Variants in PABIR3 observed in about 807,000 individuals in gnomAD.
PABIR3 encodes the protein PABIR family member 1.
PABIR3 carries 20 observed loss-of-function variants against 23.1 expected under a neutral mutation model. The observed-to-expected ratio is 0.86, with a 90% CI of 0.61 to 1.26. PABIR3 has a LOEUF of 1.26. Among genes scored for constraint, PABIR3 ranks in the 50% most tolerant of loss-of-function variants. The pLI is 0.00. For missense variants in PABIR3, 189 were observed against 195.4 expected, an observed-to-expected ratio of 0.97 and a Z score of 0.20; for synonymous variants, 69 against 68.5, an observed-to-expected ratio of 1.01 and a Z score of -0.04.
At chrX:134,842,692 G>A (rs1281559544) in intron 4 of PABIR3, among the ~76,000 whole-genome samples, 4 of 110,563 alleles carry the variant, frequency 3.6e-5, no homozygotes, top group East Asian at 2.9e-4. Context: ...GAGGTCAGGA[G>A]TTTGAAACCA....
intron 6 of PABIR3, among the ~76,000 whole-genome samples, chrX:134,845,629 G>A (rs1020087221): frequency 9.0e-5 from 10 of 111,269 alleles, no homozygotes; most frequent in Middle Eastern, 4.6e-3. Context: ...TCAATGGATC[G>A]TCCTGCCTCA....
chrX:134,805,919 G>A (rs1386969303), upstream of PABIR3, among the ~76,000 whole-genome samples: 1 of 111,051 alleles, frequency 9.0e-6, no homozygotes, highest in African/African-American at 3.3e-5. Flanking sequence ...AATGTTATCC[G>A]TAAAGTGCTA....
upstream of PABIR3, chrX:134,804,321 G>A (rs1335400685): frequency 1.2e-6 from 1 of 856,203 alleles, no homozygotes; most frequent in Non-Finnish European, 1.6e-6. Context: ...TGCCATTGTA[G>A]CATATAGAAT....
chrX:134,849,657 A>G (rs898135757), intron 9 of PABIR3, among the ~76,000 whole-genome samples: 5 of 110,488 alleles, frequency 4.5e-5, no homozygotes, highest in Non-Finnish European at 7.6e-5. Context: ...CACTTACAAC[A>G]CTAAAAATAT....
At chrX:134,859,253 C>T (rs376540026), downstream of PABIR3, among the ~76,000 whole-genome samples, 45 of 111,615 alleles carry the variant, frequency 4.0e-4, no homozygotes, top group African/African-American at 1.4e-3. Flanking sequence ...AAACATCTGC[C>T]TTCATCTTTG....
chrX:134,822,657 A>G (rs1275951190), intron 3 of PABIR3: 2 of 745,880 alleles, frequency 2.7e-6, no homozygotes, highest in East Asian at 1.5e-4. Context: ...GAAGTCTTTC[A>G]TCATTATTTT....
chrX:134,836,476 A>G (rs1603231452), intron 4 of PABIR3, among the ~76,000 whole-genome samples: 1 of 112,595 alleles, frequency 8.9e-6, no homozygotes, highest in East Asian at 2.8e-4. Flanking sequence ...TAGAAGTCTG[A>G]GATAAAGGTG....
intron 2 of PABIR3, chrX:134,811,225 T>C (rs1177020647): frequency 1.5e-6 from 1 of 659,555 alleles, no homozygotes; most frequent in Non-Finnish European, 1.8e-6. Flanking sequence ...ATCTCTGTAA[T>C]TGGCTGACTT....
chrX:134,854,258 T>C lies in PABIR3; in HGVS notation c.*41T>C, dbSNP rs764746213. 2.5e-6 allele frequency: 3 copies of C among 1,176,790 alleles called. No homozygotes were observed. The highest frequency in any genetic ancestry group is 3.8e-5 in the South Asian group (2 of 53,296). On this transcript the variant is annotated 3_prime_UTR_variant, in exon 11 of 11. Transcript: ENST00000645433. ...CTAAATGATTCACCCATCCCAAGAC[T>C]TTCTCACCAGTGGAGAAACACACAC...
Position 134,840,546 on chromosome X carries a change from C to A in PABIR3, c.247-4659C>A, listed in dbSNP as rs139515362. Among the ~76,000 whole-genome samples, 857 of 110,762 alleles carry A rather than the reference C, an allele frequency of 7.7e-3. 4 individuals are homozygous for A. The highest frequency in any genetic ancestry group is 0.015 in the South Asian group (40 of 2,584). On this transcript the variant is annotated intron_variant, in intron 4 of 10. Coordinates refer to ENST00000645433, the MANE Select transcript of PABIR3 (RefSeq NM_001388447.1). ...GTACAGCCACCTCATCATCCTCATTCTTATCGTCATCTTCATATGGATGAA... is the reference window on the plus strand; with the variant it reads ...GTACAGCCACCTCATCATCCTCATTATTATCGTCATCTTCATATGGATGAA...
At chrX:134,807,157 C>A, upstream of PABIR3, 1 of 776,478 alleles carries the variant, frequency 1.3e-6, no homozygotes, top group Non-Finnish European at 1.5e-6. Flanking sequence ...TCACAACAGG[C>A]GTCGTCCGGC....
intron 3 of PABIR3, among the ~76,000 whole-genome samples, chrX:134,828,334 G>A (rs2148249183): frequency 9.0e-6 from 1 of 110,586 alleles, no homozygotes; most frequent in South Asian, 3.8e-4. Context: ...CAAGTGATCT[G>A]CCTGCCTTGG....
At chrX:134,801,240 A>C (rs778044595) in intron 1 of PABIR3, among the ~76,000 whole-genome samples, 3 of 112,623 alleles carry the variant, frequency 2.7e-5, no homozygotes, top group Admixed American at 9.4e-5. Context: ...TCCAATAGTG[A>C]CTCAATCTAA....
intron 3 of PABIR3, 109 bp downstream of exon 3, chrX:134,814,958 T>C (rs1407638745): frequency 1.7e-6 from 1 of 571,948 alleles, no homozygotes; most frequent in African/African-American, 2.3e-5. Context: ...AAAACACAGA[T>C]GGCCAGCGGG....
At chrX:134,805,317 A>T (rs1603122001), upstream of PABIR3, among the ~76,000 whole-genome samples, 1 of 111,971 alleles carries the variant, frequency 8.9e-6, no homozygotes, top group Admixed American at 9.5e-5. Flanking sequence ...TTAGGACAGT[A>T]CCTGGCACAT....
chrX:134,847,311 C>A, intron 6 of PABIR3, 72 bp from the exon 7 acceptor site: 1 of 783,281 alleles, frequency 1.3e-6, no homozygotes, highest in Non-Finnish European at 1.9e-6. Context: ...CTTCCCTGTG[C>A]AACAGGTATC....
chrX:134,802,362 G>A (rs1299541165), upstream of PABIR3, among the ~76,000 whole-genome samples: 8 of 112,057 alleles, frequency 7.1e-5, no homozygotes, highest in Non-Finnish European at 1.3e-4. Flanking sequence ...TGGGATTACA[G>A]GCATGAGCCA....
chrX:134,818,452 T>C (rs1039827530), intron 3 of PABIR3, among the ~76,000 whole-genome samples: 75 of 110,347 alleles, frequency 6.8e-4, no homozygotes, highest in Non-Finnish European at 1.2e-3. Context: ...CAGAAGAGAG[T>C]AGTACCATGA....
downstream of PABIR3, among the ~76,000 whole-genome samples, chrX:134,858,107 A>G (rs1035365461): frequency 5.4e-5 from 6 of 111,950 alleles, no homozygotes; most frequent in African/African-American, 1.9e-4. Flanking sequence ...ATGTAATCTT[A>G]GTATTCAGGG....
Sources: allele counts gnomAD v4.1 joint callset (sites outside exome capture counted in the v4.1 genomes callset), GRCh38; gene constraint gnomAD v4.1.1; transcripts MANE v1.5; gene names NCBI Gene and HGNC (gene_info 2026-07-23, HGNC 2026-07-21).